Variants in PHF10 observed in about 807,000 individuals in gnomAD.
PHF10 encodes PHD finger protein 10.
PHF10 carries 51 observed loss-of-function variants against 68.5 expected under a neutral mutation model. The observed-to-expected ratio is 0.74, with a 90% CI of 0.59 to 0.94. The LOEUF is 0.94. PHF10 is among the 40% of genes least tolerant of loss of function. The pLI, the probability that PHF10 is intolerant of heterozygous loss-of-function variation, is 0.00. For missense variants in PHF10, 460 were observed against 602.6 expected (o/e 0.76, Z 2.48); for synonymous variants, 204 against 203.5 (o/e 1.00, Z -0.02).
chr6:169,714,883 T>A lies in PHF10; in HGVS notation c.694-41A>T, dbSNP rs531988295. The A allele has an allele frequency of 7.9e-6, 8 of 1,013,490 alleles. No individual in the cohort carries two copies. The East Asian group carries it at 1.9e-4, about 24-fold the overall frequency. The allele number at this position is 1,013,490 out of a possible 1,614,324, so 62.8% of individuals were successfully genotyped here. On this transcript the variant is annotated intron_variant, in intron 6 of 11. Transcript: ENST00000339209. ...GAGAAACACAAAACTGATTCCATGCTAAGAATCAAGGCTTTAGGAAGAGTC... is the reference window on the plus strand; with the variant it reads ...GAGAAACACAAAACTGATTCCATGCAAAGAATCAAGGCTTTAGGAAGAGTC...
chr6:169,716,284 T>C (rs1789045322), intron 4 of PHF10, among the ~76,000 whole-genome samples, 196 bp from the exon 5 acceptor site: 1 of 152,172 alleles, frequency 6.6e-6, no homozygotes, highest in African/African-American at 2.4e-5. Flanking sequence ...CAAAAGATTA[T>C]CTTGCAAAAG....
intron 11 of PHF10, chr6:169,704,916 C>T (rs1788723010): frequency 9.7e-6 from 4 of 410,614 alleles, no homozygotes; most frequent in Non-Finnish European, 1.8e-5. Flanking sequence ...ACTTCCAAAA[C>T]TTAGCAGGGG....
chr6:169,709,221 T>G (rs1788874231), intron 9 of PHF10: 1 of 152,194 alleles, frequency 6.6e-6, no homozygotes, highest in African/African-American at 2.4e-5. Context: ...GAAAGGTGAC[T>G]TACTTCAGCC....
intron 9 of PHF10, 39 bp from the exon 10 acceptor site, chr6:169,705,763 G>A (rs1788763131): frequency 1.0e-6 from 1 of 981,926 alleles, no homozygotes; most frequent in African/African-American, 1.6e-5. Flanking sequence ...CATGCCAGAA[G>A]AGCTTACTAT....
intron 9 of PHF10, chr6:169,708,628 T>A (rs1175773043): frequency 1.3e-5 from 2 of 152,162 alleles, no homozygotes; most frequent in Admixed American, 6.6e-5. Context: ...ATTTTGCATA[T>A]CCTACTTGAG....
intron 7 of PHF10, 115 bp downstream of exon 7, chr6:169,714,618 T>C (rs1370729206): frequency 1.2e-5 from 8 of 690,934 alleles, no homozygotes; most frequent in Admixed American, 2.3e-5. Flanking sequence ...ACAAATCCTA[T>C]ACGATATCTT....
chr6:169,711,797 C>T (rs1156299452), intron 8 of PHF10, among the ~76,000 whole-genome samples: 1 of 152,186 alleles, frequency 6.6e-6, no homozygotes, highest in Non-Finnish European at 1.5e-5. Context: ...TAGCCAGTTA[C>T]TTAAAACACA....
At chr6:169,723,730 C>T in intron 1 of PHF10, 115 bp downstream of exon 1, 1 of 287,434 alleles carries the variant, frequency 3.5e-6, no homozygotes, top group Non-Finnish European at 5.5e-6. Flanking sequence ...GCGCGGCGCC[C>T]GGCCTGGGCC....
chr6:169,703,909 CAA>C lies in PHF10; in HGVS notation c.*92_*93del, dbSNP rs944797724. 3 of 1,038,160 alleles carry C rather than the reference CAA, an allele frequency of 2.9e-6. No homozygotes were observed. The highest frequency in any genetic ancestry group is 4.2e-6 in the Non-Finnish European group (3 of 722,242). The allele number at this position is 1,038,160 out of a possible 1,614,324, so 64.3% of individuals were successfully genotyped here. ...CTGCAGATTTTAAGCTCATAATTTG[CAA>C]AAAAAATCTTTTATTGGCATGAAAA... On this transcript the variant is annotated 3_prime_UTR_variant, in exon 12 of 12. Coordinates refer to ENST00000339209, the MANE Select transcript of PHF10 (RefSeq NM_018288.4).
At chr6:169,722,963 G>C (rs1020648239) in intron 1 of PHF10, among the ~76,000 whole-genome samples, 5 of 152,152 alleles carry the variant, frequency 3.3e-5, no homozygotes, top group Admixed American at 3.3e-4. Context: ...TTCCATTGAC[G>C]ACAGCCTTTG....
At chr6:169,713,581 A>G (rs1788975584) in intron 7 of PHF10, among the ~76,000 whole-genome samples, 1 of 150,192 alleles carries the variant, frequency 6.7e-6, no homozygotes, top group East Asian at 2.0e-4. Flanking sequence ...CCTGGGCGAC[A>G]GCGTGAGACT....
rs199620072 is a variant in PHF10 at position 169,715,754 on chromosome 6, C to T, written c.647G>A (p.Arg216Gln). The change falls in exon 6 of 12, where the codon CGG (arginine) becomes CAG (glutamine). Residue 216 changes from arginine (R) to glutamine (Q), a missense_variant. Arg to Gln is a conservative substitution (Grantham distance 43, BLOSUM62 1). Coordinates refer to ENST00000339209, the MANE Select transcript of PHF10 (RefSeq NM_018288.4). ...AGCTCTTCTTTCTTCCATGCGTTCC[C>T]GGTTTAAGTTGCTATTAAATTCTGC... ...KAAEFNSNLN[R>Q]ERMEERRAYF... is the part of the protein sequence containing the mutation. 5 of 1,612,784 alleles carry T rather than the reference C, an allele frequency of 3.1e-6. No individual in the cohort carries two copies. The highest frequency in any genetic ancestry group is 4.2e-6 in the Non-Finnish European group (5 of 1,179,956).
In PHF10 at chr6:169,721,129, T is replaced by C. The variant is rs1789166864; in HGVS notation, c.88-18A>G. The C allele has an allele frequency of 3.1e-6, 4 of 1,270,818 alleles. No homozygotes were observed. Among genetic ancestry groups the C allele is most frequent in the Non-Finnish European group, 4.5e-6 (4 of 896,928 alleles). 78.7% of individuals were successfully genotyped at this position (1,270,818 alleles called of 1,614,324 possible). On this transcript the variant is annotated intron_variant, in intron 1 of 11. Transcript: ENST00000339209. ...TTATCATCCTATACATTTAAAAGAT[T>C]CAAAAATAATAATTAGAGAAAGAAT...
chr6:169,716,441 A>T (rs574092058), intron 4 of PHF10, among the ~76,000 whole-genome samples: 1 of 151,994 alleles, frequency 6.6e-6, no homozygotes, highest in African/African-American at 2.4e-5. Flanking sequence ...TGAATAAAAA[A>T]AAATTCAACA....
intron 3 of PHF10, 49 bp downstream of exon 3, chr6:169,718,739 A>G (rs1340076617): frequency 1.9e-6 from 2 of 1,066,664 alleles, no homozygotes; most frequent in Non-Finnish European, 2.8e-6. Context: ...ACAGTGTATC[A>G]TAAAGAATTA....
In PHF10 at chr6:169,717,890, A is replaced by C. The variant is rs1789087588; in HGVS notation, c.342T>G (p.Asp114Glu). The C allele has an allele frequency of 6.4e-7, 1 of 1,556,658 alleles. No homozygotes were observed. The highest frequency in any genetic ancestry group is 8.8e-7 in the Non-Finnish European group (1 of 1,134,094). Residue 114 changes from aspartate to glutamate, a missense_variant, in exon 4 of 12, where the codon GAT (aspartate) becomes GAG (glutamate). Coordinates refer to ENST00000339209, the MANE Select transcript of PHF10 (RefSeq NM_018288.4). ...KRKYPDLERR[D>E]LSHKEKLYLR... ...GGTAGAGTTTCTCCTTGTGAGACAA[A>C]TCTCGTCGCTCTAAATCTCCAAAAA...
At chr6:169,706,441 A>G (rs1788792261) in intron 9 of PHF10, among the ~76,000 whole-genome samples, 1 of 152,202 alleles carries the variant, frequency 6.6e-6, no homozygotes, top group Non-Finnish European at 1.5e-5. Flanking sequence ...CTTAAAAAAT[A>G]CACGAACACT....
Position 169,712,532 on chromosome 6 carries a change from G to T in PHF10, c.811C>A (p.Pro271Thr), listed in dbSNP as rs1225278217. 10 of 1,610,186 alleles carry T rather than the reference G, an allele frequency of 6.2e-6. No individual in the cohort carries two copies. Among genetic ancestry groups the T allele is most frequent in the Non-Finnish European group, 7.6e-6 (9 of 1,178,956 alleles). ...AATGGCAGATACCGCAGCTCATCTG[G>T]TGAGTACCTGAAGTTCAGAGAGTTT... ...QFQEYYKRYS[P>T]DELRYLPLNT... The change falls in exon 8 of 12, where the codon CCA becomes ACA. Residue 271 changes from proline to threonine, a missense_variant. Physicochemically the swap from Pro to Thr is conservative, Grantham distance 38. Around this residue, in one of 3 missense-constraint regions of PHF10, gnomAD observed 256 missense variants for 410.5 expected, o/e 0.62. Transcript: ENST00000339209.
intron 1 of PHF10, among the ~76,000 whole-genome samples, chr6:169,723,150 T>C (rs921464538): frequency 3.3e-5 from 5 of 152,140 alleles, no homozygotes; most frequent in Admixed American, 1.3e-4. Context: ...CCCACCGCCT[T>C]CTAATTTCAA....
Sources: gnomAD v4.1 joint callset for allele counts (sites outside exome capture counted in the v4.1 genomes callset) on GRCh38, gnomAD v4.1.1 for gene constraint, gnomAD v4.1.1 regional missense constraint, MANE v1.5 for transcripts, NCBI Gene and HGNC (gene_info 2026-07-23, HGNC 2026-07-21) for gene names.